Variants in MCF2L2 observed in about 807,000 individuals in gnomAD.
MCF2L2 encodes the protein probable guanine nucleotide exchange factor MCF2L2.
In MCF2L2, 102 loss-of-function variants were observed where a neutral mutation model predicts 150.2. That is an observed-to-expected ratio of 0.68 (90% CI 0.58 to 0.80). The LOEUF (loss-of-function observed/expected upper bound fraction) is 0.80. Ranked by LOEUF, MCF2L2 falls within the 30% of genes least tolerant of loss-of-function variation. The pLI is 0.00. For synonymous variants in MCF2L2, 465 were observed against 491.3 expected (o/e 0.95, Z 0.71); for missense variants, 1,256 against 1,372.8 (o/e 0.91, Z 1.34).
intron 5 of MCF2L2, among the ~76,000 whole-genome samples, chr3:183,335,124 A>AG (rs2108534161): frequency 7.3e-6 from 1 of 137,338 alleles, no homozygotes; most frequent in East Asian, 2.1e-4. Context: ...TCTTAAAAAA[A>AG]AAAAAGAAAA....
Position 183,229,732 on chromosome 3 carries a change from T to A in MCF2L2, c.1979A>T (p.Asp660Val). ...AAAGTCCTTGTTATTCTGAAGAACA[T>A]CTGGAATTAGATGCTTTAGCCAAAT... ...DFIWLKHLIP[D>V]VLQNNKDFLF... The change falls in exon 17 of 30, where the codon GAT (aspartate) becomes GTT (valine). Residue 660 changes from aspartate (D) to valine (V), a missense_variant. Coordinates refer to ENST00000328913, the MANE Select transcript of MCF2L2 (RefSeq NM_015078.4). 1.2e-6 allele frequency: 2 copies of A among 1,606,258 alleles called. No individual in the cohort carries two copies. The highest frequency in any genetic ancestry group is 1.7e-6 in the Non-Finnish European group (2 of 1,174,414).
chr3:183,326,307 C>A (rs1383948690), intron 5 of MCF2L2, among the ~76,000 whole-genome samples: 1 of 151,940 alleles, frequency 6.6e-6, no homozygotes, highest in Non-Finnish European at 1.5e-5. Context: ...GCCTGGCCAA[C>A]ATGGGGAAAC....
chr3:183,316,806 A>C (rs767684831), intron 7 of MCF2L2, among the ~76,000 whole-genome samples: 6 of 151,920 alleles, frequency 3.9e-5, no homozygotes, highest in Non-Finnish European at 7.4e-5. Context: ...CCCAGCTTCA[A>C]GCAATTCTTT....
chr3:183,210,098 G>A (rs911771521), intron 22 of MCF2L2, among the ~76,000 whole-genome samples: 8 of 152,086 alleles, frequency 5.3e-5, no homozygotes, highest in South Asian at 2.1e-4. Flanking sequence ...GAAAATAACC[G>A]AGGGAATTAA....
Position 183,295,298 on chromosome 3 carries a change from A to ACCCG in MCF2L2, c.1673_1675+1dup. ...AAAGCTTCTTTTCCTCAAATAACCT[A>ACCCG]CCCGAGGTGGAGGGCTGGCTGGTTT... On this transcript the variant is annotated splice_donor_variant, in intron 13 of 29. Transcript: ENST00000328913. LOFTEE classifies it high-confidence loss of function. The ACCCG allele has an allele frequency of 6.2e-7, 1 of 1,603,252 alleles. No individual in the cohort carries two copies. The highest frequency in any genetic ancestry group is 8.5e-7 in the Non-Finnish European group (1 of 1,175,502).
intron 1 of MCF2L2, among the ~76,000 whole-genome samples, chr3:183,390,213 T>A (rs972270294): frequency 6.6e-6 from 1 of 152,174 alleles, no homozygotes; most frequent in African/African-American, 2.4e-5. Context: ...CTGGGATTCA[T>A]GAGGGTTCTT....
chr3:183,361,050 A>AC (rs1233314200), intron 3 of MCF2L2, among the ~76,000 whole-genome samples: 44 of 113,686 alleles, frequency 3.9e-4, no homozygotes, highest in African/African-American at 1.4e-3. Flanking sequence ...AAAGGAAAGG[A>AC]AAGGAAAGAC....
At chr3:183,216,584 T>A (rs1474391005) in intron 21 of MCF2L2, among the ~76,000 whole-genome samples, 52 of 1,574 alleles carry the variant, frequency 0.033, no homozygotes, top group Non-Finnish European at 0.05. Flanking sequence ...ATATATATTT[T>A]TTTTTTTTTT....
chr3:183,228,139 T>C (rs1238030550), intron 18 of MCF2L2, 158 bp downstream of exon 18: 1 of 604,102 alleles, frequency 1.7e-6, no homozygotes, highest in Non-Finnish European at 3.0e-6. Context: ...TTTGAATATA[T>C]GCAATTTTTA....
intron 2 of MCF2L2, among the ~76,000 whole-genome samples, chr3:183,382,083 G>A (rs796992318): frequency 2.4e-4 from 34 of 142,026 alleles, no homozygotes; most frequent in African/African-American, 8.1e-4. Flanking sequence ...TTATTAGATG[G>A]AATCTCGCTC....
At chr3:183,400,735 T>C (rs865996619) in intron 1 of MCF2L2, among the ~76,000 whole-genome samples, 157 of 152,018 alleles carry the variant, frequency 1.0e-3, no homozygotes, top group African/African-American at 3.6e-3. Flanking sequence ...AGGGACATCC[T>C]AGCCTCAATG....
At chr3:183,211,126 AAC>A (rs1449308312) in intron 22 of MCF2L2, among the ~76,000 whole-genome samples, 1 of 152,134 alleles carries the variant, frequency 6.6e-6, no homozygotes, top group Non-Finnish European at 1.5e-5. Flanking sequence ...AAGGGAAAAA[AAC>A]AGTCAGTAGG....
intron 4 of MCF2L2, 53 bp downstream of exon 4, chr3:183,341,487 G>T: frequency 7.2e-7 from 1 of 1,391,212 alleles, no homozygotes; most frequent in Non-Finnish European, 1.0e-6. Context: ...TGAAATAGTT[G>T]AACAGACAAT....
intron 3 of MCF2L2, among the ~76,000 whole-genome samples, chr3:183,351,679 G>C (rs965688847): frequency 9.2e-5 from 14 of 152,188 alleles, no homozygotes; most frequent in Non-Finnish European, 1.5e-4. Flanking sequence ...TATGTTTGCT[G>C]ATGGTTACAC....
At position 183,197,982 on chromosome 3, in the gene MCF2L2, G is replaced by A. The variant is rs1030805073; in HGVS notation, c.2885-2727C>T. Among the ~76,000 whole-genome samples, 2 of 152,100 alleles carry A rather than the reference G, an allele frequency of 1.3e-5. No homozygotes were observed. The highest frequency in any genetic ancestry group is 1.3e-4 in the Admixed American group (2 of 15,276). On this transcript the variant is annotated intron_variant, in intron 25 of 29. Coordinates refer to ENST00000328913, the MANE Select transcript of MCF2L2 (RefSeq NM_015078.4). The surrounding 1 kb of genome is among the most constrained non-coding windows in gnomAD (Gnocchi z 4.5). ...AGTGGAACTCTCATACATTACTATGGGAATGGAAGATACTATAATCACTTT... is the reference window on the plus strand; with the variant it reads ...AGTGGAACTCTCATACATTACTATGAGAATGGAAGATACTATAATCACTTT...
At chr3:183,299,797 G>A (rs1728744383) in intron 11 of MCF2L2, 1 of 532,800 alleles carries the variant, frequency 1.9e-6, no homozygotes, top group African/African-American at 2.0e-5. Flanking sequence ...AATGGGATGT[G>A]GTGGGATGGC....
chr3:183,373,750 C>G (rs1226132197), intron 3 of MCF2L2: 1 of 152,090 alleles, frequency 6.6e-6, no homozygotes, highest in Non-Finnish European at 1.5e-5. Context: ...TCTCCCTAGG[C>G]AATCCTAAAA....
At chr3:183,379,139 C>T in intron 3 of MCF2L2, 158 bp downstream of exon 3, 1 of 544,804 alleles carries the variant, frequency 1.8e-6, no homozygotes, top group Non-Finnish European at 3.2e-6. Context: ...TTCCACATTC[C>T]TTGCTCGTGA....
intron 15 of MCF2L2, chr3:183,273,317 T>C (rs1048990514): frequency 7.2e-6 from 2 of 277,828 alleles, no homozygotes; most frequent in Non-Finnish European, 1.4e-5. Context: ...TGAATTTTGC[T>C]CTTGTATGGC....
Sources: gnomAD v4.1 joint callset for allele counts (sites outside exome capture counted in the v4.1 genomes callset) on GRCh38, gnomAD v4.1.1 for gene constraint, Gnocchi (gnomAD v3.1) non-coding constraint, MANE v1.5 for transcripts, NCBI Gene and HGNC (gene_info 2026-07-23, HGNC 2026-07-21) for gene names.